ZNF519: variants seen among roughly 807,000 people sequenced by gnomAD.
ZNF519 encodes zinc finger protein 519.
ZNF519 carries 7 observed loss-of-function variants against 7.4 expected under a neutral mutation model. The observed-to-expected ratio is 0.94, with a 90% confidence interval of 0.54 to 1.77. The LOEUF is 1.77. ZNF519 is among the 40% of genes most tolerant of loss of function. The pLI is 0.00. For synonymous variants in ZNF519, 179 were observed against 203.3 expected, an observed-to-expected ratio of 0.88 and a Z score of 1.02; for missense variants, 586 against 623.1, an observed-to-expected ratio of 0.94 and a Z score of 0.63.
rs8086904 is a variant in ZNF519, at chr18:14,091,444, T to A, written c.131-6368A>T. ...ATCTTTAGTCACCAAGGATACACCA[T>A]TATTATGCGGTGAAGACAAACTGGG... On this transcript the variant is annotated intron_variant and NMD_transcript_variant, in intron 2 of 4. Transcript: ENST00000587419. 1.9e-3 allele frequency among the ~76,000 whole-genome samples: 296 copies of A among 152,190 alleles called. 3 individuals are homozygous for A. The highest frequency in any genetic ancestry group is 6.8e-3 in the African/African-American group (283 of 41,504).
chr18:14,099,537 G>C (rs2046150828), downstream of ZNF519, among the ~76,000 whole-genome samples: 1 of 152,084 alleles, frequency 6.6e-6, no homozygotes, highest in Non-Finnish European at 1.5e-5. Context: ...AATAGAAAGT[G>C]ACTGGTTTAT....
At chr18:14,129,340 C>T (rs2046318171) in intron 1 of ZNF519, among the ~76,000 whole-genome samples, 1 of 152,012 alleles carries the variant, frequency 6.6e-6, no homozygotes, top group Non-Finnish European at 1.5e-5. Context: ...AAAACTTTGT[C>T]GTGGGAGGAG....
intron 3 of ZNF519, among the ~76,000 whole-genome samples, chr18:14,079,236 A>G (rs1294659536): frequency 6.6e-6 from 1 of 152,208 alleles, no homozygotes; most frequent in African/African-American, 2.4e-5. Flanking sequence ...GTAGTCCAAT[A>G]AATATTCTTA....
intron 2 of ZNF519, among the ~76,000 whole-genome samples, chr18:14,108,127 G>A (rs1166112512): frequency 1.3e-5 from 2 of 152,178 alleles, no homozygotes; most frequent in Non-Finnish European, 2.9e-5. Flanking sequence ...CTCACCTTGG[G>A]TGTGATCAAC....
intron 1 of ZNF519, among the ~76,000 whole-genome samples, chr18:14,125,950 T>G (rs1242189133): frequency 5.3e-5 from 8 of 152,170 alleles, no homozygotes; most frequent in Non-Finnish European, 8.8e-5. Context: ...CCTCCCAAAG[T>G]GCTGGGATTA....
rs1331355584 is a variant in ZNF519 at position 14,101,576 on chromosome 18, G to A, written c.*3341C>T. On this transcript the variant is annotated 3_prime_UTR_variant, in exon 3 of 3. Coordinates refer to ENST00000590202, the MANE Select transcript of ZNF519 (RefSeq NM_145287.4). ...GGGTCACTCAATAGGGAAAGCCAAG[G>A]CACAAAGTCCTGTGAGTCATCAAGG... 5.0e-6 allele frequency: 2 copies of A among 398,018 alleles called. No individual in the cohort carries two copies. Among genetic ancestry groups the A allele is most frequent in the Non-Finnish European group, 4.4e-6 (1 of 225,868 alleles). 24.7% of individuals were successfully genotyped at this position (398,018 alleles called of 1,614,324 possible). A position where few individuals can be genotyped will look rare whatever the true frequency, so the allele number is the denominator to read the frequency against.
chr18:14,105,231 A>G lies in ZNF519; in HGVS notation c.1309T>C (p.Cys437Arg), dbSNP rs139675432. The G allele has an allele frequency of 3.2e-6, 5 of 1,571,452 alleles. No individual in the cohort carries two copies. In the African/African-American group the frequency reaches 5.4e-5, roughly 17 times the overall value. ...TGEKHFKCKE[C>R]GKAFNRGSHL... is the part of the protein sequence containing the mutation. ...GAGCCCCTGTTAAAGGCTTTGCCAC[A>G]TTCTTTACATTTGAAGTGTTTCTCT... The change falls in exon 3 of 3, where the codon TGT becomes CGT. Residue 437 changes from cysteine (C) to arginine (R), a missense_variant. By Grantham distance (180) the Cys-to-Arg change is radical (BLOSUM62 -3). Transcript: ENST00000590202.
Position 14,104,987 on chromosome 18 carries a change from C to G in ZNF519, c.1553G>C (p.Cys518Ser), listed in dbSNP as rs780430949. The G allele has an allele frequency of 6.3e-7, 1 of 1,596,074 alleles. No homozygotes were observed. Among genetic ancestry groups the G allele is most frequent in the African/African-American group, 1.3e-5 (1 of 74,412 alleles). ...RIHTGEKPFK[C>S]KECGKAFNRR... is the part of the protein sequence containing the mutation. ...GTTAAAAGCTTTGCCACATTCTTTACATTTGAAAGGTTTCTCTCCAGTATG... is the reference window on the plus strand; with the variant it reads ...GTTAAAAGCTTTGCCACATTCTTTAGATTTGAAAGGTTTCTCTCCAGTATG... The change falls in exon 3 of 3, where the codon TGT (cysteine) becomes TCT (serine). Residue 518 changes from cysteine to serine, a missense_variant. Transcript: ENST00000590202.
chr18:14,104,953 T>C lies in ZNF519; in HGVS notation c.1587A>G (p.Ser529=). ...GAATTATTTGATGTTGAGTAAGGGTTGAGCGTCTGTTAAAAGCTTTGCCAC... is the reference window on the plus strand; with the variant it reads ...GAATTATTTGATGTTGAGTAAGGGTCGAGCGTCTGTTAAAAGCTTTGCCAC... ...KECGKAFNRR[S]TLTQHQIIHT... is the part of the protein sequence containing the mutation. Residue 529 remains serine (S), a synonymous_variant, in exon 3 of 3, where the codon TCA becomes TCG. Coordinates refer to ENST00000590202, the MANE Select transcript of ZNF519 (RefSeq NM_145287.4). 6.3e-7 allele frequency: 1 copy of C among 1,581,276 alleles called. No homozygotes were observed. The highest frequency in any genetic ancestry group is 1.2e-5 in the South Asian group (1 of 84,020).
chr18:14,122,816 C>A (rs11080721), intron 2 of ZNF519, among the ~76,000 whole-genome samples: 9,053 of 151,670 alleles, frequency 0.06, 496 homozygotes, highest in African/African-American at 0.13. Flanking sequence ...TTCTAGGGTG[C>A]ATGTGCACAA....
intron 2 of ZNF519, among the ~76,000 whole-genome samples, chr18:14,118,059 T>C (rs1345934455): frequency 6.6e-6 from 1 of 152,074 alleles, no homozygotes; most frequent in Non-Finnish European, 1.5e-5. Context: ...ATATATACAA[T>C]GAAATATTCT....
Position 14,103,669 on chromosome 18 carries a change from G to C in ZNF519, c.*1248C>G, listed in dbSNP as rs1212411324. ...CTTGGGGAACTTGTTAGAGTAACAA[G>C]TAATAACTTATGGAATCAACATTCT... On this transcript the variant is annotated 3_prime_UTR_variant, in exon 3 of 3. Coordinates refer to ENST00000590202, the MANE Select transcript of ZNF519 (RefSeq NM_145287.4). The C allele has an allele frequency of 6.6e-6, 1 of 152,000 alleles. No individual in the cohort carries two copies. The highest frequency in any genetic ancestry group is 1.5e-5 in the Non-Finnish European group (1 of 67,962). 9.4% of individuals were successfully genotyped at this position (152,000 alleles called of 1,614,324 possible).
chr18:14,090,213 T>C (rs1464592931), intron 2 of ZNF519: 1 of 152,190 alleles, frequency 6.6e-6, no homozygotes, highest in East Asian at 1.9e-4. Context: ...GCTACACAGA[T>C]TGAGGATAAA....
chr18:14,104,629 T>A lies in ZNF519; in HGVS notation c.*288A>T, dbSNP rs1018645651. ...AAAAATAAGTGAACATTGAATATAA[T>A]TATGCCTCTCCATCAATGTCGTCCC... On this transcript the variant is annotated 3_prime_UTR_variant, in exon 3 of 3. Coordinates refer to ENST00000590202, the MANE Select transcript of ZNF519 (RefSeq NM_145287.4). 7.0e-6 allele frequency: 2 copies of A among 284,688 alleles called. No homozygotes were observed. The highest frequency in any genetic ancestry group is 4.4e-5 in the African/African-American group (2 of 45,910). The allele number at this position is 284,688 out of a possible 1,614,324, so 17.6% of individuals were successfully genotyped here.
chr18:14,107,381 AC>A (rs1263350224), intron 2 of ZNF519, among the ~76,000 whole-genome samples: 1 of 152,144 alleles, frequency 6.6e-6, no homozygotes, highest in African/African-American at 2.4e-5. Flanking sequence ...CACTGACAAG[AC>A]CCATCAACTG....
chr18:14,104,116 C>T lies in ZNF519; in HGVS notation c.*801G>A, dbSNP rs2046175562. On this transcript the variant is annotated 3_prime_UTR_variant, in exon 3 of 3. Transcript: ENST00000590202. ...AGAGAGAAGTTATTTGCACCACTCT[C>T]TGATATTTGTGATTTCTTTATTGTT... is the stretch of plus-strand genomic sequence containing the variant. 6.6e-6 allele frequency: 1 copy of T among 152,128 alleles called. No homozygotes were observed. The highest frequency in any genetic ancestry group is 1.5e-5 in the Non-Finnish European group (1 of 68,008). The allele number at this position is 152,128 out of a possible 1,614,324, so 9.4% of individuals were successfully genotyped here.
At chr18:14,118,041 T>C (rs2046253547) in intron 2 of ZNF519, among the ~76,000 whole-genome samples, 2 of 152,158 alleles carry the variant, frequency 1.3e-5, no homozygotes, top group South Asian at 4.1e-4. Flanking sequence ...TTTTTAAAGA[T>C]GTGCCTTATA....
chr18:14,095,117 T>C (rs1440120784), downstream of ZNF519, among the ~76,000 whole-genome samples: 1 of 152,132 alleles, frequency 6.6e-6, no homozygotes, highest in Non-Finnish European at 1.5e-5. Context: ...ATCTCGTGTA[T>C]TGGAGAATTC....
chr18:14,107,721 C>A (rs1290946790), intron 2 of ZNF519, among the ~76,000 whole-genome samples: 1 of 152,036 alleles, frequency 6.6e-6, no homozygotes, highest in Non-Finnish European at 1.5e-5. Context: ...GAGTACCAGG[C>A]CAAGCATCAT....
Sources: allele counts gnomAD v4.1 joint callset (sites outside exome capture counted in the v4.1 genomes callset), GRCh38; gene constraint gnomAD v4.1.1; transcripts MANE v1.5; gene names NCBI Gene and HGNC (gene_info 2026-07-23, HGNC 2026-07-21).